PITPNC1: variants seen among roughly 807,000 people sequenced by gnomAD.
PITPNC1 encodes the protein cytoplasmic phosphatidylinositol transfer protein 1.
In PITPNC1, 18 loss-of-function variants were observed where a neutral mutation model predicts 44.7. That is an observed-to-expected ratio of 0.40 (90% confidence interval 0.28 to 0.60). The LOEUF is 0.60. Ranked by LOEUF, PITPNC1 falls within the 20% of genes least tolerant of loss-of-function variation. PITPNC1 has a pLI of 0.39. For missense variants in PITPNC1, 290 were observed against 418.4 expected, an observed-to-expected ratio of 0.69 and a Z score of 2.68; for synonymous variants, 141 against 149.6, an observed-to-expected ratio of 0.94 and a Z score of 0.42.
chr17:67,633,530 C>T (rs1432323619), intron 6 of PITPNC1, among the ~76,000 whole-genome samples: 1 of 152,226 alleles, frequency 6.6e-6, no homozygotes, highest in East Asian at 1.9e-4. Context: ...CTGTGTTGCT[C>T]ATCTCCACCC....
chr17:67,610,055 G>A (rs1409223161), intron 5 of PITPNC1, among the ~76,000 whole-genome samples: 3 of 152,018 alleles, frequency 2.0e-5, no homozygotes, highest in East Asian at 1.9e-4. Flanking sequence ...ACCTTCTGTC[G>A]CCCGGCCACT....
intron 1 of PITPNC1, among the ~76,000 whole-genome samples, chr17:67,452,848 T>C (rs2039202534): frequency 6.6e-6 from 1 of 152,180 alleles, no homozygotes; most frequent in Admixed American, 6.5e-5. Context: ...TTTTCCAAAG[T>C]AGTTCTTGCA....
At chr17:67,498,323 G>C (rs1348353558) in intron 1 of PITPNC1, among the ~76,000 whole-genome samples, 1 of 152,122 alleles carries the variant, frequency 6.6e-6, no homozygotes, top group Non-Finnish European at 1.5e-5. Flanking sequence ...GCCGGACATG[G>C]TGGCTCAGGC....
chr17:67,522,607 A>G (rs553346033), intron 1 of PITPNC1, among the ~76,000 whole-genome samples: 1 of 149,940 alleles, frequency 6.7e-6, no homozygotes, highest in Non-Finnish European at 1.5e-5. Flanking sequence ...ACAAGTTCTG[A>G]GCCTTTTTAA....
chr17:67,411,916 T>C (rs889146817), intron 1 of PITPNC1, among the ~76,000 whole-genome samples: 1 of 152,064 alleles, frequency 6.6e-6, no homozygotes, highest in Non-Finnish European at 1.5e-5. Context: ...AGAGCCAGGA[T>C]TTGAACCCAG....
At chr17:67,575,974 T>G (rs12103555) in intron 4 of PITPNC1, among the ~76,000 whole-genome samples, 11,567 of 145,978 alleles carry the variant, frequency 0.079, 1,574 homozygotes, top group African/African-American at 0.28. Context: ...CGTCCCAGGT[T>G]CAAGCGATTC....
chr17:67,492,966 C>G (rs1278749759), intron 1 of PITPNC1, among the ~76,000 whole-genome samples: 1 of 152,188 alleles, frequency 6.6e-6, no homozygotes, highest in East Asian at 1.9e-4. Flanking sequence ...TGTTTCGTTC[C>G]TTTCTGATGA....
At chr17:67,534,149 C>T (rs781503837) in intron 2 of PITPNC1, among the ~76,000 whole-genome samples, 2 of 152,024 alleles carry the variant, frequency 1.3e-5, no homozygotes, top group Non-Finnish European at 2.9e-5. Flanking sequence ...CCTGCTTCAG[C>T]CTCTCAAAGT....
chr17:67,527,443 G>A (rs1265066558), intron 1 of PITPNC1, among the ~76,000 whole-genome samples: 1 of 152,220 alleles, frequency 6.6e-6, no homozygotes, highest in Non-Finnish European at 1.5e-5. Context: ...AATGGCTCAT[G>A]CCTGTAATCC....
At chr17:67,428,720 T>C (rs1311869430) in intron 1 of PITPNC1, among the ~76,000 whole-genome samples, 4 of 152,162 alleles carry the variant, frequency 2.6e-5, no homozygotes, top group Non-Finnish European at 4.4e-5. Flanking sequence ...TTCAAAGTTT[T>C]TTGACAGTCA....
chr17:67,647,464 G>GTTTTTTTTTTTTTTTTTTTTTTT (rs60407940), intron 6 of PITPNC1, among the ~76,000 whole-genome samples: 2 of 72,326 alleles, frequency 2.8e-5, no homozygotes, highest in Admixed American at 2.2e-4. Context: ...CTAATTTTGG[G>GTTTTTTTTTTTTTTTTTTTTTTT]TTTTTTTTTT....
intron 1 of PITPNC1, among the ~76,000 whole-genome samples, chr17:67,401,196 A>G (rs1032780561): frequency 6.6e-6 from 1 of 152,156 alleles, no homozygotes; most frequent in Admixed American, 6.6e-5. Context: ...TGGTCTCCCA[A>G]AATGCTGGGA....
At chr17:67,513,487 G>GTATATATATATATATATA (rs1442010835) in intron 1 of PITPNC1, among the ~76,000 whole-genome samples, 5 of 136,910 alleles carry the variant, frequency 3.7e-5, no homozygotes, top group African/African-American at 1.5e-4. Context: ...ATGTGTGTGT[G>GTATATATATATATATATA]TGTATATATA....
At chr17:67,660,712 A>AT (rs2042333293) in intron 6 of PITPNC1, among the ~76,000 whole-genome samples, 1 of 151,242 alleles carries the variant, frequency 6.6e-6, no homozygotes, top group Non-Finnish European at 1.5e-5. Context: ...CACCTGGCTA[A>AT]TTTTTGTAGT....
rs772366436 is a variant in PITPNC1, at chr17:67,446,225, G to A, written c.48+68023G>A. Reference sequence around the variant, plus strand: ...CTCCCAAAGTGCTAGGATTACAGGCGTGAGCCACCACACCCAGCCTTCTTT... The same window carrying A: ...CTCCCAAAGTGCTAGGATTACAGGCATGAGCCACCACACCCAGCCTTCTTT... On this transcript the variant is annotated intron_variant, in intron 1 of 8. Transcript: ENST00000581322. Among the ~76,000 whole-genome samples the A allele has an allele frequency of 4.0e-5, 6 of 151,844 alleles. 1 individual carries two copies. The highest frequency in any genetic ancestry group is 7.2e-5 in the African/African-American group (3 of 41,418).
chr17:67,587,735 G>A (rs1018466409), intron 5 of PITPNC1, among the ~76,000 whole-genome samples: 1 of 152,128 alleles, frequency 6.6e-6, no homozygotes, highest in Non-Finnish European at 1.5e-5. Context: ...TTGGTTTTAG[G>A]AAATAAACGA....
intron 6 of PITPNC1, among the ~76,000 whole-genome samples, chr17:67,667,771 G>A (rs2042446275): frequency 1.3e-5 from 2 of 151,894 alleles, no homozygotes; most frequent in Non-Finnish European, 2.9e-5. Context: ...CTCGCGTTCA[G>A]GAGTTCGAGA....
At chr17:67,675,018 A>G (rs934306552) in intron 7 of PITPNC1, among the ~76,000 whole-genome samples, 4 of 151,940 alleles carry the variant, frequency 2.6e-5, no homozygotes, top group African/African-American at 9.7e-5. Context: ...CTCAAAAAAA[A>G]AAAAAAAAAA....
intron 5 of PITPNC1, among the ~76,000 whole-genome samples, chr17:67,580,597 T>G (rs2041216948): frequency 6.6e-6 from 1 of 152,196 alleles, no homozygotes; most frequent in South Asian, 2.1e-4. Flanking sequence ...TGTCTTGGCC[T>G]CCCAAAGTGC....
Sources: allele counts gnomAD v4.1 joint callset (sites outside exome capture counted in the v4.1 genomes callset), GRCh38; gene constraint gnomAD v4.1.1; transcripts MANE v1.5; gene names NCBI Gene and HGNC (gene_info 2026-07-23, HGNC 2026-07-21).